The following VPS4A variants were observed in gnomAD, a reference collection of about 807,000 sequenced individuals.
VPS4A encodes the protein vacuolar protein sorting-associated protein 4A.
Under a neutral mutation model 52.3 loss-of-function variants are expected in VPS4A, and 20 were observed. That is an observed-to-expected ratio of 0.38 (90% CI 0.27 to 0.56). VPS4A has a LOEUF of 0.56. Ranked by LOEUF, VPS4A falls within the 20% of genes least tolerant of loss-of-function variation. VPS4A has a pLI of 0.72. For synonymous variants in VPS4A, 293 were observed against 227.7 expected (o/e 1.29, Z -2.58); for missense variants, 419 against 575.9 (o/e 0.73, Z 2.79).
At chr16:69,322,404 G>T in intron 9 of VPS4A, 156 bp from the exon 10 acceptor site, 1 of 697,450 alleles carries the variant, frequency 1.4e-6, no homozygotes, top group South Asian at 2.6e-5. Context: ...ATCATGAGTC[G>T]CTCGGACCAC....
At chr16:69,319,270 G>A in intron 5 of VPS4A, 117 bp from the exon 6 acceptor site, 1 of 1,429,930 alleles carries the variant, frequency 7.0e-7, no homozygotes, top group Non-Finnish European at 9.5e-7. Flanking sequence ...TTTGCCAGTA[G>A]AGTCCGTTGT....
intron 3 of VPS4A, among the ~76,000 whole-genome samples, chr16:69,318,210 C>T (rs547663523): frequency 3.9e-5 from 6 of 152,240 alleles, no homozygotes; most frequent in Middle Eastern, 3.4e-3. Flanking sequence ...TGGGCTCAAG[C>T]GATCCTCCCG....
Position 69,321,061 on chromosome 16 carries a change from C to T in VPS4A, c.862C>T (p.Arg288Ter), listed in dbSNP as rs1393426741. ...TGCTGGGCTCTCTAGGTTTGAAAAA[C>T]GAATTTATATCCCCTTGCCGGAGGA... is the stretch of plus-strand genomic sequence containing the variant. Reference protein sequence around the residue: ...DSAIRRRFEKRIYIPLPEEAA... With the variant: ...DSAIRRRFEK Residue 288 changes from arginine to a stop codon, truncating the protein, a stop_gained, in exon 9 of 11, where the codon CGA (arginine) becomes TGA (stop). Coordinates refer to ENST00000254950, the MANE Select transcript of VPS4A (RefSeq NM_013245.3). LOFTEE classifies it high-confidence loss of function. This position sits in a 1 kb window ranked among gnomAD's most constrained non-coding sequence, Gnocchi z 4.5. 7 of 1,585,334 alleles carry T rather than the reference C, an allele frequency of 4.4e-6. No homozygotes were observed. The highest frequency in any genetic ancestry group is 6.0e-6 in the Non-Finnish European group (7 of 1,165,616).
In VPS4A at chr16:69,311,389, C is replaced by T. The variant is rs1260406383; in HGVS notation, c.-123C>T. On this transcript the variant is annotated 5_prime_UTR_variant, in exon 1 of 11. Coordinates refer to ENST00000254950, the MANE Select transcript of VPS4A (RefSeq NM_013245.3). ...CTCCCGCTGCGAGCGGCCGCCCTGC[C>T]CGCGCACCGCGCTCAGCGCCCACCG... The T allele has an allele frequency of 1.8e-6, 2 of 1,108,052 alleles. No individual in the cohort carries two copies. The allele number at this position is 1,108,052 out of a possible 1,614,324, so 68.6% of individuals were successfully genotyped here. A position where few individuals can be genotyped will look rare whatever the true frequency, so the allele number is the denominator to read the frequency against.
In VPS4A at chr16:69,320,374, G is replaced by A; in HGVS notation, c.769+85G>A. On this transcript the variant is annotated intron_variant, in intron 7 of 10. Coordinates refer to ENST00000254950, the MANE Select transcript of VPS4A (RefSeq NM_013245.3). This position sits in a 1 kb window ranked among gnomAD's most constrained non-coding sequence, Gnocchi z 4.2. ...TTATTCTGAGCTGCGGCTGGATTTG[G>A]TTGTTCTCAGCCTCGGAGAGGCACT... 1 of 1,555,038 alleles carries A rather than the reference G, an allele frequency of 6.4e-7. No homozygotes were observed.
Position 69,320,998 on chromosome 16 carries a change from G to A in VPS4A, c.852-53G>A. On this transcript the variant is annotated intron_variant, in intron 8 of 10. Coordinates refer to ENST00000254950, the MANE Select transcript of VPS4A (RefSeq NM_013245.3). This position sits in a 1 kb window ranked among gnomAD's most constrained non-coding sequence, Gnocchi z 4.2. Reference sequence around the variant, plus strand: ...CAAATCTTCGTGCCTCCCCTTCCGTGAATACCATTCCATCATCCGCTGTCA... The same window carrying A: ...CAAATCTTCGTGCCTCCCCTTCCGTAAATACCATTCCATCATCCGCTGTCA... The A allele has an allele frequency of 2.0e-6, 3 of 1,520,946 alleles. No homozygotes were observed. The highest frequency in any genetic ancestry group is 2.7e-6 in the Non-Finnish European group (3 of 1,119,684). 94.2% of individuals were successfully genotyped at this position (1,520,946 alleles called of 1,614,324 possible).
chr16:69,319,981 C>T lies in VPS4A; in HGVS notation c.621-160C>T, dbSNP rs114293427. The stretch of plus-strand genomic sequence containing the variant: ...CCAAGGTGTGCTCCTCCTCTTGGTG[C>T]AGTGTGGCCCGAGGGCTCCTCACCA... On this transcript the variant is annotated intron_variant, in intron 6 of 10. Coordinates refer to ENST00000254950, the MANE Select transcript of VPS4A (RefSeq NM_013245.3). Among the ~76,000 whole-genome samples, 3 of 152,324 alleles carry T rather than the reference C, an allele frequency of 2.0e-5. No homozygotes were observed. The East Asian group carries it at 5.8e-4, about 29-fold the overall frequency.
chr16:69,323,944 C>CAA lies in VPS4A; in HGVS notation c.1213-244_1213-243dup, dbSNP rs373024058. Among the ~76,000 whole-genome samples, 223 of 99,418 alleles carry CAA rather than the reference C, an allele frequency of 2.2e-3. 2 individuals carry two copies. Among genetic ancestry groups the CAA allele is most frequent in the East Asian group, 5.9e-3 (15 of 2,560 alleles). The allele number at this position is 99,418 out of a possible 152,430, so 65.2% of individuals were successfully genotyped here. A position where few individuals can be genotyped will look rare whatever the true frequency, so the allele number is the denominator to read the frequency against. The stretch of plus-strand genomic sequence containing the variant: ...CAGCCTGGGTGACAGACTCCGTCTC[C>CAA]AAAAAAAAAAAAAAAAAAAAAGAAA... On this transcript the variant is annotated intron_variant, in intron 10 of 10. Coordinates refer to ENST00000254950, the MANE Select transcript of VPS4A (RefSeq NM_013245.3).
intron 10 of VPS4A, chr16:69,323,424 A>G (rs906820688): frequency 9.9e-6 from 3 of 301,782 alleles, no homozygotes; most frequent in Admixed American, 9.4e-5. Context: ...TGCTGGGATT[A>G]CAAGCATGAG....
intron 3 of VPS4A, among the ~76,000 whole-genome samples, chr16:69,316,662 G>A (rs1965441207): frequency 6.6e-6 from 1 of 152,202 alleles, no homozygotes; most frequent in Admixed American, 6.5e-5. Flanking sequence ...AGGACCCCGT[G>A]TGCCTACCAT....
At chr16:69,317,793 A>T (rs1965456831) in intron 3 of VPS4A, among the ~76,000 whole-genome samples, 1 of 148,984 alleles carries the variant, frequency 6.7e-6, no homozygotes, top group African/African-American at 2.5e-5. Context: ...ACTCTGTCTT[A>T]AAAAAAAAAT....
Position 69,320,352 on chromosome 16 carries a change from T to C in VPS4A, c.769+63T>C. On this transcript the variant is annotated intron_variant, in intron 7 of 10. Coordinates refer to ENST00000254950, the MANE Select transcript of VPS4A (RefSeq NM_013245.3). This position sits in a 1 kb window ranked among gnomAD's most constrained non-coding sequence, Gnocchi z 4.2. ...CACCTGAAGCCAACCCTGGGCTTTA[T>C]TCTGAGCTGCGGCTGGATTTGGTTG... is the stretch of plus-strand genomic sequence containing the variant. 1 of 1,582,698 alleles carries C rather than the reference T, an allele frequency of 6.3e-7. No individual in the cohort carries two copies. Among genetic ancestry groups the C allele is most frequent in the Admixed American group, 1.7e-5 (1 of 58,208 alleles).
rs144999390 is a variant in VPS4A at position 69,324,210 on chromosome 16, G to A, written c.1215G>A (p.Ser405=). The change falls in exon 11 of 11, where the codon TCG becomes TCA. Residue 405 remains serine, a splice_region_variant and synonymous_variant. Coordinates refer to ENST00000254950, the MANE Select transcript of VPS4A (RefSeq NM_013245.3). ...GGCACATACTGTTGCCTTCACAGTC[G>A]GACATGCTGCGGTCTCTGGCCACCA... The part of the protein sequence containing the change: ...DKLLEPVVCM[S]DMLRSLATTR... 8.1e-6 allele frequency: 13 copies of A among 1,612,808 alleles called. No homozygotes were observed. Among genetic ancestry groups the A allele is most frequent in the African/African-American group, 5.3e-5 (4 of 74,930 alleles).
chr16:69,313,478 A>G (rs1349553598), intron 1 of VPS4A, among the ~76,000 whole-genome samples: 1 of 151,822 alleles, frequency 6.6e-6, no homozygotes, highest in Admixed American at 6.6e-5. Flanking sequence ...CTACAGAGAA[A>G]CCCACTTTAT....
rs746107917 is a variant in VPS4A at position 69,318,827 on chromosome 16, C to T, written c.348C>T (p.Ala116=). Residue 116 remains alanine (A), a synonymous_variant, in exon 5 of 11, where the codon GCC becomes GCT. Coordinates refer to ENST00000254950, the MANE Select transcript of VPS4A (RefSeq NM_013245.3). ...KKKLQEQLMG[A]VVMEKPNIRW... ...GGGCCGGCCTCCCTCTCGCAGGTGC[C>T]GTCGTGATGGAGAAGCCCAACATAC... 2.2e-5 allele frequency: 35 copies of T among 1,613,070 alleles called. No individual in the cohort carries two copies. The highest frequency in any genetic ancestry group is 2.6e-5 in the Non-Finnish European group (31 of 1,179,512).
At position 69,324,511 on chromosome 16, in the gene VPS4A, G is replaced by T. The variant is rs1040254136; in HGVS notation, c.*202G>T. 2.0e-5 allele frequency: 12 copies of T among 589,556 alleles called. No homozygotes were observed. The East Asian group carries it at 2.6e-4, about 13-fold the overall frequency. The allele number at this position is 589,556 out of a possible 1,614,324, so 36.5% of individuals were successfully genotyped here. On this transcript the variant is annotated 3_prime_UTR_variant, in exon 11 of 11. Transcript: ENST00000254950. ...ACTCCACTGCCCTGGGGCACACAGT[G>T]GACACTGCTCTTCCTACTTCCTCCT...
chr16:69,316,392 G>T lies in VPS4A; in HGVS notation c.281+20G>T, dbSNP rs367705195. The T allele has an allele frequency of 6.2e-7, 1 of 1,612,084 alleles. No homozygotes were observed. Among genetic ancestry groups the T allele is most frequent in the Non-Finnish European group, 8.5e-7 (1 of 1,179,032 alleles). Reference sequence around the variant, plus strand: ...CAAGGGGTGAGTGTCTGCAGCGTCCGCCCAGGAACCTGGGCCCTCCTCACG... The same window carrying T: ...CAAGGGGTGAGTGTCTGCAGCGTCCTCCCAGGAACCTGGGCCCTCCTCACG... On this transcript the variant is annotated intron_variant, in intron 3 of 10. Transcript: ENST00000254950.
rs1049842148 is a variant in VPS4A, at chr16:69,324,557, C to T, written c.*248C>T. On this transcript the variant is annotated 3_prime_UTR_variant, in exon 11 of 11. Coordinates refer to ENST00000254950, the MANE Select transcript of VPS4A (RefSeq NM_013245.3). ...CTCCTCTCCTGGATGCTCATCAGCT[C>T]CTTCTGCCTCCCCCCCTTTTTTTTC... 1 of 471,116 alleles carries T rather than the reference C, an allele frequency of 2.1e-6. No homozygotes were observed. The allele number at this position is 471,116 out of a possible 1,614,324, so 29.2% of individuals were successfully genotyped here.
At chr16:69,316,162 G>A (rs746123331) in intron 2 of VPS4A, 43 bp downstream of exon 2, 32 of 1,612,076 alleles carry the variant, frequency 2.0e-5, no homozygotes, top group Non-Finnish European at 2.7e-5. Flanking sequence ...ACTCCAGAGG[G>A]GAGCGGAGGA....
Sources: gnomAD v4.1 joint callset for allele counts (sites outside exome capture counted in the v4.1 genomes callset) on GRCh38, gnomAD v4.1.1 for gene constraint, Gnocchi (gnomAD v3.1) non-coding constraint, MANE v1.5 for transcripts, NCBI Gene and HGNC (gene_info 2026-07-23, HGNC 2026-07-21) for gene names.